PCYOX1: variants seen among roughly 807,000 people sequenced by gnomAD.
PCYOX1 encodes the protein prenylcysteine lyase.
PCYOX1 carries 46 observed loss-of-function variants against 46.4 expected under a neutral mutation model. That is an observed-to-expected ratio of 0.99 (90% CI 0.78 to 1.27). The LOEUF (loss-of-function observed/expected upper bound fraction) is 1.27, where lower values mean the gene tolerates loss of function less well. Among genes scored for constraint, PCYOX1 ranks in the 50% most tolerant of loss-of-function variants. The pLI is 0.00. For missense variants in PCYOX1, 658 were observed against 628.3 expected, an observed-to-expected ratio of 1.05 and a Z score of -0.51; for synonymous variants, 220 against 231.8, an observed-to-expected ratio of 0.95 and a Z score of 0.46.
chr2:70,280,110 G>A lies in PCYOX1; in HGVS notation c.*2718G>A, dbSNP rs1696750439. ...AAAAAAAAAAATTAAAAATGTTGCT[G>A]GTATTACATCAAACCTACTCTGGAT... On this transcript the variant is annotated 3_prime_UTR_variant, in exon 6 of 6. Transcript: ENST00000433351. The A allele has an allele frequency of 6.6e-6, 1 of 152,058 alleles. No individual in the cohort carries two copies. Among genetic ancestry groups the A allele is most frequent in the Non-Finnish European group, 1.5e-5 (1 of 68,020 alleles). 9.4% of individuals were successfully genotyped at this position (152,058 alleles called of 1,614,324 possible).
At chr2:70,267,117 C>T (rs1438210847) in intron 3 of PCYOX1, among the ~76,000 whole-genome samples, 2 of 151,690 alleles carry the variant, frequency 1.3e-5, no homozygotes, top group Admixed American at 6.6e-5. Flanking sequence ...GACGGGATGG[C>T]GGCGGGGCAG....
At position 70,277,231 on chromosome 2, in the gene PCYOX1, C is replaced by T. The variant is rs753395597; in HGVS notation, c.1357C>T (p.Arg453Ter). Residue 453 changes from arginine to a stop codon, truncating the protein, a stop_gained, in exon 6 of 6, where the codon CGA (arginine) becomes TGA (stop). Coordinates refer to ENST00000433351, the MANE Select transcript of PCYOX1 (RefSeq NM_016297.4). LOFTEE classifies it high-confidence loss of function. ...ATGCCCCTCTATCATTCTCCATGAT[C>T]GACTTTATTACCTCAATGGCATAGA... is the stretch of plus-strand genomic sequence containing the variant. ...EKCPSIILHD[R>*]LYYLNGIECA... 1.2e-5 allele frequency: 19 copies of T among 1,613,992 alleles called. No homozygotes were observed. The highest frequency in any genetic ancestry group is 4.5e-5 in the East Asian group (2 of 44,900).
At chr2:70,276,610 T>C in intron 5 of PCYOX1, 124 bp from the exon 6 acceptor site, 2 of 631,478 alleles carry the variant, frequency 3.2e-6, no homozygotes, top group Non-Finnish European at 5.5e-6. Flanking sequence ...GGGACAACTA[T>C]CTTAAGGGAT....
intron 3 of PCYOX1, among the ~76,000 whole-genome samples, chr2:70,261,749 G>A (rs992441800): frequency 6.6e-6 from 1 of 152,170 alleles, no homozygotes; most frequent in Non-Finnish European, 1.5e-5. Flanking sequence ...CACCCACATA[G>A]TAAGTGGTAT....
intron 3 of PCYOX1, among the ~76,000 whole-genome samples, chr2:70,267,380 A>C (rs1696541620): frequency 6.6e-6 from 1 of 151,990 alleles, no homozygotes; most frequent in South Asian, 2.1e-4. Context: ...CACTTCCTAG[A>C]CGGGGTGGCG....
rs1446664018 is a variant in PCYOX1, at chr2:70,280,170, C to G, written c.*2778C>G. The G allele has an allele frequency of 6.6e-6, 1 of 152,108 alleles. No homozygotes were observed. Among genetic ancestry groups the G allele is most frequent in the Non-Finnish European group, 1.5e-5 (1 of 68,024 alleles). The allele number at this position is 152,108 out of a possible 1,614,324, so 9.4% of individuals were successfully genotyped here. A position where few individuals can be genotyped will look rare whatever the true frequency, so the allele number is the denominator to read the frequency against. On this transcript the variant is annotated 3_prime_UTR_variant, in exon 6 of 6. Transcript: ENST00000433351. Reference sequence around the variant, plus strand: ...AGTAGGGCATCTGAAATTGCTTTGGCAAAAGCAAAACAGGTTATCAATACA... The same window carrying G: ...AGTAGGGCATCTGAAATTGCTTTGGGAAAAGCAAAACAGGTTATCAATACA...
intron 3 of PCYOX1, among the ~76,000 whole-genome samples, chr2:70,274,195 CTTTTTTTTT>C (rs397868949): frequency 2.6e-5 from 3 of 115,952 alleles, no homozygotes; most frequent in African/African-American, 8.6e-5. Context: ...TTTACTTCTA[CTTTTTTTTT>C]TTTTTTTTTT....
intron 3 of PCYOX1, 110 bp from the exon 4 acceptor site, chr2:70,274,848 GC>G: frequency 2.2e-5 from 16 of 736,770 alleles, no homozygotes; most frequent in South Asian, 7.9e-5. Context: ...ATAGGCGTGA[GC>G]CACTGCACCT....
rs762364389 is a variant in PCYOX1 at position 70,276,955 on chromosome 2, C to T, written c.1081C>T (p.Pro361Ser). 55 of 1,611,124 alleles carry T rather than the reference C, an allele frequency of 3.4e-5. No homozygotes were observed. The highest frequency in any genetic ancestry group is 4.7e-5 in the Non-Finnish European group (55 of 1,177,468). Residue 361 changes from proline to serine, a missense_variant, in exon 6 of 6, where the codon CCC (proline) becomes TCC (serine). Pro to Ser is a moderately conservative substitution (Grantham distance 74). Transcript: ENST00000433351. Reference protein sequence around the residue: ...ELNTSIFSSRPIDKFGLNTVL... With the variant: ...ELNTSIFSSRSIDKFGLNTVL... Reference sequence around the variant, plus strand: ...GAATACATCTATCTTTAGCTCTAGACCCATAGATAAATTTGGCCTTAATAC... The same window carrying T: ...GAATACATCTATCTTTAGCTCTAGATCCATAGATAAATTTGGCCTTAATAC...
Position 70,258,192 on chromosome 2 carries a change from T to G in PCYOX1, c.28T>G (p.Ser10Ala). 6.3e-7 allele frequency: 1 copy of G among 1,598,298 alleles called. No individual in the cohort carries two copies. The highest frequency in any genetic ancestry group is 1.9e-4 in the Middle Eastern group (1 of 5,268). ...GGGGCGCGTCGTCGCGGAGCTCGTC[T>G]CCTCGCTGCTGGGGTTGTGGCTGTT... MGRVVAELV[S>A]SLLGLWLLLC... is the part of the protein sequence containing the mutation. The change falls in exon 1 of 6, where the codon TCC becomes GCC. Residue 10 changes from serine (S) to alanine (A), a missense_variant. Transcript: ENST00000433351.
In PCYOX1 at chr2:70,275,020, C is replaced by T. The variant is rs757785237; in HGVS notation, c.556C>T (p.Leu186=). 2 of 1,613,510 alleles carry T rather than the reference C, an allele frequency of 1.2e-6. No homozygotes were observed. Among genetic ancestry groups the T allele is most frequent in the Non-Finnish European group, 1.7e-6 (2 of 1,179,402 alleles). Residue 186 remains leucine (L), a synonymous_variant, in exon 4 of 6, where the codon CTA becomes TTA. Transcript: ENST00000433351. ...TAGTGTCGAAAAATTACTTCATGCT[C>T]TAGGAGGAGATGACTTCCTTGGAAT... ...FSSVEKLLHA[L]GGDDFLGMLN...
At position 70,263,961 on chromosome 2, in the gene PCYOX1, C is replaced by CTTT. The variant is rs768464001; in HGVS notation, c.494+2593_494+2595dup. Among the ~76,000 whole-genome samples the CTTT allele has an allele frequency of 2.8e-4, 32 of 112,288 alleles. 1 individual carries two copies. The highest frequency in any genetic ancestry group is 5.2e-4 in the East Asian group (2 of 3,818). The allele number at this position is 112,288 out of a possible 152,430, so 73.7% of individuals were successfully genotyped here. On this transcript the variant is annotated intron_variant, in intron 3 of 5. Transcript: ENST00000433351. ...GGCGTGAGCCACTGTGCCCGGCCCT[C>CTTT]TTTTTTTTTTTTTTTTTTTTGATAC...
intron 3 of PCYOX1, among the ~76,000 whole-genome samples, chr2:70,264,199 G>A (rs1408581519): frequency 1.3e-5 from 2 of 151,578 alleles, no homozygotes; most frequent in African/African-American, 4.8e-5. Context: ...TCCTGGGCTC[G>A]AGTGTTCCAC....
intron 3 of PCYOX1, among the ~76,000 whole-genome samples, chr2:70,267,057 T>G (rs1022170472): frequency 2.7e-5 from 4 of 150,936 alleles, no homozygotes; most frequent in Non-Finnish European, 5.9e-5. Flanking sequence ...GCGGAGGGGC[T>G]CCTCACTTCT....
At chr2:70,273,352 T>G (rs1696627554) in intron 3 of PCYOX1, among the ~76,000 whole-genome samples, 1 of 152,218 alleles carries the variant, frequency 6.6e-6, no homozygotes, top group Non-Finnish European at 1.5e-5. Flanking sequence ...GGTATTTAGT[T>G]TCTCAGTTTT....
intron 3 of PCYOX1, among the ~76,000 whole-genome samples, chr2:70,267,349 C>T (rs896102895): frequency 8.6e-5 from 13 of 151,704 alleles, no homozygotes; most frequent in East Asian, 2.0e-4. Context: ...AGACGATGGG[C>T]GGCCAGGCAA....
intron 3 of PCYOX1, among the ~76,000 whole-genome samples, chr2:70,265,402 G>A (rs956322178): frequency 6.6e-6 from 1 of 151,970 alleles, no homozygotes; most frequent in African/African-American, 2.4e-5. Context: ...TGTTGCCCAA[G>A]CTGATCTTGA....
chr2:70,276,325 G>T (rs535829929), intron 5 of PCYOX1, among the ~76,000 whole-genome samples: 17 of 151,758 alleles, frequency 1.1e-4, no homozygotes, highest in African/African-American at 3.9e-4. Flanking sequence ...GCCTGCCTCA[G>T]CGTCCCGAGT....
intron 3 of PCYOX1, among the ~76,000 whole-genome samples, chr2:70,267,149 C>T (rs556144597): frequency 2.9e-4 from 44 of 151,934 alleles, no homozygotes; most frequent in African/African-American, 1.0e-3. Context: ...AGTTCCCAGA[C>T]GGCGTCGCGG....
Sources: gnomAD v4.1 joint callset for allele counts (sites outside exome capture counted in the v4.1 genomes callset) on GRCh38, gnomAD v4.1.1 for gene constraint, MANE v1.5 for transcripts, NCBI Gene and HGNC (gene_info 2026-07-23, HGNC 2026-07-21) for gene names.